Variants in ANKRD31 observed in about 807,000 individuals in gnomAD.
ANKRD31 encodes ankyrin repeat domain-containing protein 31.
Under a neutral mutation model 186.0 loss-of-function variants are expected in ANKRD31, and 147 were observed. The observed-to-expected ratio is 0.79, with a 90% CI of 0.69 to 0.91. ANKRD31 has a LOEUF of 0.91. ANKRD31 is among the 40% of genes least tolerant of loss of function. The pLI is 0.00. For missense variants in ANKRD31, 1,986 were observed against 2,148.8 expected, an observed-to-expected ratio of 0.92 and a Z score of 1.50; for synonymous variants, 673 against 736.4, an observed-to-expected ratio of 0.91 and a Z score of 1.39.
intron 11 of ANKRD31, among the ~76,000 whole-genome samples, chr5:75,159,204 A>G (rs893533737): frequency 6.6e-6 from 1 of 152,140 alleles, no homozygotes; most frequent in East Asian, 1.9e-4. Flanking sequence ...TTTTAAAAGA[A>G]TGAAGAAAAA....
intron 5 of ANKRD31, among the ~76,000 whole-genome samples, chr5:75,200,063 T>C (rs1448249855): frequency 2.0e-5 from 3 of 152,100 alleles, no homozygotes. Context: ...ACTCATGCTG[T>C]CTGGAGTTAG....
At chr5:75,156,453 TC>T (rs1460177373) in intron 11 of ANKRD31, among the ~76,000 whole-genome samples, 1 of 152,166 alleles carries the variant, frequency 6.6e-6, no homozygotes, top group African/African-American at 2.4e-5. Flanking sequence ...AAGTCAAAGT[TC>T]CTCCGCACTT....
intron 17 of ANKRD31, among the ~76,000 whole-genome samples, chr5:75,128,862 G>A (rs1027218352): frequency 1.3e-5 from 2 of 151,964 alleles, no homozygotes; most frequent in African/African-American, 4.8e-5. Context: ...AAACCAGCAG[G>A]TTCATCACTT....
intron 20 of ANKRD31, 41 bp downstream of exon 20, chr5:75,112,472 G>T: frequency 7.7e-7 from 1 of 1,294,654 alleles, no homozygotes; most frequent in Non-Finnish European, 1.1e-6. Flanking sequence ...ATGACCTTGG[G>T]TATCTGAAAA....
At chr5:75,085,840 A>C (rs1262889267) in intron 23 of ANKRD31, among the ~76,000 whole-genome samples, 9 of 152,252 alleles carry the variant, frequency 5.9e-5, no homozygotes, top group Non-Finnish European at 1.3e-4. Context: ...CATACTGTCT[A>C]GCACATTCCG....
At chr5:75,194,068 G>C (rs1755296473) in intron 7 of ANKRD31, among the ~76,000 whole-genome samples, 1 of 152,068 alleles carries the variant, frequency 6.6e-6, no homozygotes, top group Non-Finnish European at 1.5e-5. Flanking sequence ...CAGTGTATCA[G>C]GAATTGTTCT....
At chr5:75,167,192 T>G (rs1752990361) in intron 11 of ANKRD31, among the ~76,000 whole-genome samples, 1 of 152,136 alleles carries the variant, frequency 6.6e-6, no homozygotes, top group Non-Finnish European at 1.5e-5. Context: ...TTTTTACTGC[T>G]TTTTCACTTT....
In ANKRD31 at chr5:75,068,543, C is replaced by T; in HGVS notation, c.5769G>A (p.Val1923=). 2.0e-6 allele frequency: 3 copies of T among 1,514,282 alleles called. No individual in the cohort carries two copies. Among genetic ancestry groups the T allele is most frequent in the Non-Finnish European group, 2.6e-6 (3 of 1,137,122 alleles). The allele number at this position is 1,514,282 out of a possible 1,614,324, so 93.8% of individuals were successfully genotyped here. ...HIMDQHWKFC[V]ECEELTP ...TTTAGGGTGTTAGTTCCTCACATTC[C>T]ACACAAAACTTCCAATGCTGATCCA... Residue 1923 remains valine (V), a synonymous_variant, in exon 26 of 26, where the codon GTG becomes GTA. Transcript: ENST00000506364.
intron 10 of ANKRD31, among the ~76,000 whole-genome samples, chr5:75,172,120 T>C (rs767162286): frequency 4.6e-5 from 7 of 151,922 alleles, no homozygotes; most frequent in Non-Finnish European, 8.8e-5. Flanking sequence ...CCCAAAATTA[T>C]AGGCCAATGT....
At chr5:75,174,453 C>T (rs1301620938) in intron 10 of ANKRD31, among the ~76,000 whole-genome samples, 1 of 152,148 alleles carries the variant, frequency 6.6e-6, no homozygotes, top group Non-Finnish European at 1.5e-5. Flanking sequence ...AGGCAACCTA[C>T]AGAATGGGAG....
In ANKRD31 at chr5:75,193,517, A is replaced by G. The variant is rs1316255787; in HGVS notation, c.1092T>C (p.Ser364=). 1.3e-6 allele frequency: 2 copies of G among 1,537,046 alleles called. No individual in the cohort carries two copies. Among genetic ancestry groups the G allele is most frequent in the East Asian group, 2.4e-5 (1 of 40,888 alleles). The change falls in exon 8 of 26, where the codon AGT becomes AGC. Residue 364 remains serine, a synonymous_variant. Transcript: ENST00000506364. ...HQNITSCEPL[S]NKRNSNSVTN... ...TCACTGAATTTGAATTTCTCTTATT[A>G]CTTAGTGGCTCACAAGAAGTGATAT...
intron 15 of ANKRD31, among the ~76,000 whole-genome samples, chr5:75,143,356 TG>T (rs1289305535): frequency 2.6e-5 from 4 of 152,116 alleles, no homozygotes; most frequent in African/African-American, 7.2e-5. Flanking sequence ...GGGCATGTTT[TG>T]GGGGGCCAGC....
chr5:75,107,526 T>C lies in ANKRD31; in HGVS notation c.4335A>G (p.Lys1445=), dbSNP rs1747426283. 9 of 1,521,322 alleles carry C rather than the reference T, an allele frequency of 5.9e-6. No homozygotes were observed. In the East Asian group the frequency reaches 2.2e-4, roughly 37 times the overall value. 94.2% of individuals were successfully genotyped at this position (1,521,322 alleles called of 1,614,324 possible). A position where few individuals can be genotyped will look rare whatever the true frequency, so the allele number is the denominator to read the frequency against. The stretch of plus-strand genomic sequence containing the variant: ...TTTTTTCTTTTTCTACTCACCTGTA[T>C]TTTTTAGCCAGATCATCCCTTTCTG... ...QKAERDDLAK[K]YRVSIESFKH... The change falls in exon 21 of 26, where the codon AAA becomes AAG. Residue 1445 remains lysine (K), a synonymous_variant. Transcript: ENST00000506364.
intron 22 of ANKRD31, among the ~76,000 whole-genome samples, chr5:75,094,916 G>T (rs1445836224): frequency 3.3e-5 from 5 of 152,064 alleles, no homozygotes; most frequent in Non-Finnish European, 7.4e-5. Context: ...GATCTTAAAA[G>T]AGAAATTGTT....
intron 3 of ANKRD31, 58 bp from the exon 4 acceptor site, chr5:75,210,923 C>A: frequency 8.5e-7 from 1 of 1,170,594 alleles, no homozygotes; most frequent in Non-Finnish European, 1.2e-6. Context: ...ATGCAACAAG[C>A]TAAAAAAATT....
intron 11 of ANKRD31, among the ~76,000 whole-genome samples, chr5:75,165,192 CA>C (rs575789770): frequency 1.3e-5 from 2 of 151,512 alleles, no homozygotes; most frequent in East Asian, 1.9e-4. Flanking sequence ...CTCCAAAATC[CA>C]AAAAAAATTC....
chr5:75,119,404 G>C (rs1013836551), intron 17 of ANKRD31, among the ~76,000 whole-genome samples: 1 of 152,178 alleles, frequency 6.6e-6, no homozygotes, highest in African/African-American at 2.4e-5. Context: ...GCCTCCAGCT[G>C]CATCCATGTT....
chr5:75,120,029 G>A (rs530206511), intron 17 of ANKRD31, among the ~76,000 whole-genome samples: 2 of 152,260 alleles, frequency 1.3e-5, no homozygotes, highest in South Asian at 4.2e-4. Context: ...AGGTTGCTCT[G>A]AGTAACTCTT....
At chr5:75,151,067 T>C (rs1213345868) in intron 12 of ANKRD31, among the ~76,000 whole-genome samples, 1 of 152,000 alleles carries the variant, frequency 6.6e-6, no homozygotes, top group Admixed American at 6.6e-5. Flanking sequence ...AAGTAGAATA[T>C]TTTGATCCAG....
Sources: gnomAD v4.1 joint callset for allele counts (sites outside exome capture counted in the v4.1 genomes callset) on GRCh38, gnomAD v4.1.1 for gene constraint, MANE v1.5 for transcripts, NCBI Gene and HGNC (gene_info 2026-07-23, HGNC 2026-07-21) for gene names.